Variants in BICD1 observed in about 807,000 individuals in gnomAD.
BICD1 encodes the protein protein bicaudal D homolog 1.
Under a neutral mutation model 92.5 loss-of-function variants are expected in BICD1, and 35 were observed. The ratio of observed to expected loss-of-function variants is 0.38; its 90% CI spans 0.29 to 0.50. The LOEUF is 0.50. BICD1 is among the 20% of genes least tolerant of loss of function. The probability of loss-of-function intolerance (pLI) is 0.93; values close to 1 mark genes in which losing one functional copy is unlikely to be tolerated. For missense variants in BICD1, 950 were observed against 1,189.8 expected (o/e 0.80, Z 2.97); for synonymous variants, 429 against 465.1 (o/e 0.92, Z 1.00).
chr12:32,126,196 G>C (rs1420047987), intron 1 of BICD1, among the ~76,000 whole-genome samples: 1 of 152,038 alleles, frequency 6.6e-6, no homozygotes, highest in Non-Finnish European at 1.5e-5. Flanking sequence ...AATCTCCCCA[G>C]ATTTGGGCTC....
chr12:32,275,207 A>G (rs1947243739), intron 2 of BICD1, among the ~76,000 whole-genome samples: 2 of 152,202 alleles, frequency 1.3e-5, no homozygotes, highest in African/African-American at 4.8e-5. Context: ...CTTTGTAGTG[A>G]TTCGTTCATT....
chr12:32,335,389 A>G (rs1212604223), intron 6 of BICD1, among the ~76,000 whole-genome samples: 1 of 152,024 alleles, frequency 6.6e-6, no homozygotes, highest in Non-Finnish European at 1.5e-5. Context: ...TGACCTCATG[A>G]TCTGCCCGCC....
chr12:32,108,038 T>G (rs1343571856), intron 1 of BICD1: 10 of 308,080 alleles, frequency 3.2e-5, no homozygotes, highest in Non-Finnish European at 5.6e-5. Flanking sequence ...CCAATCCCAT[T>G]TGACAAAGGC....
chr12:32,192,906 T>C (rs1472457755), intron 1 of BICD1, among the ~76,000 whole-genome samples: 3 of 152,218 alleles, frequency 2.0e-5, no homozygotes, highest in African/African-American at 4.8e-5. Context: ...AATCTGAGGA[T>C]AAAATGTGAA....
At chr12:32,161,385 G>C (rs565712810) in intron 1 of BICD1, among the ~76,000 whole-genome samples, 1 of 152,304 alleles carries the variant, frequency 6.6e-6, no homozygotes, top group East Asian at 1.9e-4. Context: ...CATCATGATT[G>C]TATTTTTTTC....
chr12:32,366,894 A>G (rs1194407563), intron 8 of BICD1, among the ~76,000 whole-genome samples: 5 of 152,190 alleles, frequency 3.3e-5, no homozygotes, highest in Non-Finnish European at 7.3e-5. Flanking sequence ...TTTTTTTAGA[A>G]CACCAGGCAC....
At chr12:32,190,176 C>A (rs1038381202) in intron 1 of BICD1, among the ~76,000 whole-genome samples, 2 of 152,050 alleles carry the variant, frequency 1.3e-5, no homozygotes, top group African/African-American at 4.8e-5. Flanking sequence ...CAAAGCAAGA[C>A]TGTAAGAGAG....
chr12:32,307,506 C>G (rs1948262469), intron 4 of BICD1, among the ~76,000 whole-genome samples: 1 of 124,248 alleles, frequency 8.0e-6, no homozygotes, highest in Non-Finnish European at 1.8e-5. Flanking sequence ...AGAAACTGAA[C>G]TAGAAATCTG....
chr12:32,166,260 C>CA (rs1453909810), intron 1 of BICD1, among the ~76,000 whole-genome samples: 97 of 152,020 alleles, frequency 6.4e-4, no homozygotes, highest in African/African-American at 2.3e-3. Context: ...CTTAGTCTCC[C>CA]AAGTAGCTGG....
intron 1 of BICD1, among the ~76,000 whole-genome samples, chr12:32,208,272 G>T (rs145811795): frequency 6.6e-5 from 10 of 152,272 alleles, no homozygotes; most frequent in Non-Finnish European, 1.2e-4. Context: ...AAAGCACGTC[G>T]TCTTTCTGCT....
intron 3 of BICD1, among the ~76,000 whole-genome samples, chr12:32,303,918 C>CA (rs1395677257): frequency 6.6e-6 from 1 of 151,972 alleles, no homozygotes; most frequent in Non-Finnish European, 1.5e-5. Context: ...ACTAAAAATA[C>CA]AAAAAAATTA....
intron 2 of BICD1, among the ~76,000 whole-genome samples, chr12:32,270,296 G>C (rs1302796240): frequency 6.6e-6 from 1 of 151,998 alleles, no homozygotes; most frequent in Non-Finnish European, 1.5e-5. Context: ...TATTATAGCT[G>C]ATTCTTTACA....
At chr12:32,159,442 C>T (rs942194596) in intron 1 of BICD1, among the ~76,000 whole-genome samples, 2 of 152,122 alleles carry the variant, frequency 1.3e-5, no homozygotes, top group Non-Finnish European at 2.9e-5. Flanking sequence ...AAGGAAGACA[C>T]AATAACACAC....
intron 9 of BICD1, among the ~76,000 whole-genome samples, chr12:32,376,001 G>C (rs1939940658): frequency 6.6e-6 from 1 of 151,914 alleles, no homozygotes; most frequent in Admixed American, 6.6e-5. Flanking sequence ...CATAGTTTAA[G>C]GGAATATAAC....
chr12:32,315,326 A>T (rs1291659682), intron 4 of BICD1, among the ~76,000 whole-genome samples: 1 of 152,146 alleles, frequency 6.6e-6, no homozygotes, highest in African/African-American at 2.4e-5. Flanking sequence ...ATTAATTTAT[A>T]TGTCTGTTTT....
chr12:32,235,757 G>A (rs1399702416), intron 2 of BICD1, among the ~76,000 whole-genome samples: 1 of 149,428 alleles, frequency 6.7e-6, no homozygotes, highest in Non-Finnish European at 1.5e-5. Context: ...CTGGAGTGCA[G>A]TGGTGCGATC....
At chr12:32,322,186 T>C (rs565993524) in intron 4 of BICD1, among the ~76,000 whole-genome samples, 1 of 151,944 alleles carries the variant, frequency 6.6e-6, no homozygotes, top group Admixed American at 6.6e-5. Context: ...GAGAAATATA[T>C]ATAGATAGAT....
intron 2 of BICD1, among the ~76,000 whole-genome samples, chr12:32,218,666 G>T (rs552387691): frequency 6.6e-6 from 1 of 152,186 alleles, no homozygotes; most frequent in East Asian, 1.9e-4. Context: ...AGGTATTTTT[G>T]ATCTAAAACA....
chr12:32,289,050 T>C (rs1040922046), intron 2 of BICD1, among the ~76,000 whole-genome samples: 2 of 151,974 alleles, frequency 1.3e-5, no homozygotes, highest in African/African-American at 2.4e-5. Flanking sequence ...AAGAGGAGTA[T>C]AGAAGCCTCA....
Sources: allele counts gnomAD v4.1 joint callset (sites outside exome capture counted in the v4.1 genomes callset), GRCh38; gene constraint gnomAD v4.1.1; transcripts MANE v1.5; gene names NCBI Gene and HGNC (gene_info 2026-07-23, HGNC 2026-07-21).